ZNF91: variants seen among roughly 807,000 people sequenced by gnomAD.
ZNF91 encodes zinc finger protein 91, also known as zinc finger protein 91 (HPF7, HTF10).
In ZNF91, 7 loss-of-function variants were observed where a neutral mutation model predicts 12.6. The ratio of observed to expected loss-of-function variants is 0.55; its 90% CI spans 0.31 to 1.04. The LOEUF is 1.04. Ranked by LOEUF, ZNF91 falls within the 50% of genes least tolerant of loss-of-function variation. The pLI, the probability that ZNF91 is intolerant of heterozygous loss-of-function variation, is 0.05. For missense variants in ZNF91, 1,217 were observed against 1,385.4 expected (o/e 0.88, Z 1.93); for synonymous variants, 453 against 462.6 (o/e 0.98, Z 0.27).
rs1456078727 is a variant in ZNF91 at position 23,361,583 on chromosome 19, C to T, written c.1396G>A (p.Glu466Lys). 2 of 1,613,564 alleles carry T rather than the reference C, an allele frequency of 1.2e-6. No individual in the cohort carries two copies. The highest frequency in any genetic ancestry group is 1.3e-5 in the African/African-American group (1 of 74,838). The change falls in exon 4 of 4, where the codon GAA (glutamate) becomes AAA (lysine). Residue 466 changes from glutamate to lysine, a missense_variant. Physicochemically the swap from Glu to Lys is moderately conservative, Grantham distance 56. Coordinates refer to ENST00000300619, the MANE Select transcript of ZNF91 (RefSeq NM_003430.4). ...HTREKPFKCKECGKAFIWSST... is the reference protein window; with the variant it reads ...HTREKPFKCKKCGKAFIWSST... ...GACCATATAAATGCTTTGCCACATT[C>T]TTTACATTTGAAGGGTTTCTCTCTA...
intron 1 of ZNF91, among the ~76,000 whole-genome samples, chr19:23,330,626 A>G (rs1043691812): frequency 1.3e-5 from 2 of 152,152 alleles, no homozygotes; most frequent in African/African-American, 4.8e-5. Context: ...CACACCATAA[A>G]TATCATTAGG....
At chr19:23,393,827 C>T (rs189610976) in intron 1 of ZNF91, among the ~76,000 whole-genome samples, 2 of 152,236 alleles carry the variant, frequency 1.3e-5, no homozygotes, top group South Asian at 2.1e-4. Flanking sequence ...TAGTGAAACC[C>T]TGTCTGTACT....
Position 23,343,018 on chromosome 19 carries a change from A to G in ZNF91, c.254-3964T>C, listed in dbSNP as rs537145905. Among the ~76,000 whole-genome samples, 3 of 152,382 alleles carry G rather than the reference A, an allele frequency of 2.0e-5. No individual in the cohort carries two copies. The South Asian group carries it at 6.2e-4, about 32-fold the overall frequency. On this transcript the variant is annotated intron_variant, in intron 3 of 3. Coordinates refer to the ZNF91 transcript ENST00000599743. ...CCAATAAAATATTGTTAAATAGAGA[A>G]AGATTCTGTAATATATTTTTGCATT...
At chr19:23,323,115 TCTC>T (rs761970366) in intron 1 of ZNF91, among the ~76,000 whole-genome samples, 40 of 145,194 alleles carry the variant, frequency 2.8e-4, no homozygotes, top group Admixed American at 5.5e-4. Flanking sequence ...CTCCTTTTCC[TCTC>T]CTCCTTTTCA....
chr19:23,394,012 A>T (rs1227621120), intron 1 of ZNF91, among the ~76,000 whole-genome samples: 1 of 152,170 alleles, frequency 6.6e-6, no homozygotes, highest in African/African-American at 2.4e-5. Context: ...ATTAAAAATA[A>T]AAATGATTAA....
intron 1 of ZNF91, chr19:23,384,436 T>C: frequency 3.1e-6 from 1 of 322,530 alleles, no homozygotes; most frequent in Non-Finnish European, 5.5e-6. Flanking sequence ...AATTTGACAG[T>C]TCCTAACGAA....
At chr19:23,337,389 ACT>A (rs1338566084), downstream of ZNF91, among the ~76,000 whole-genome samples, 3 of 151,360 alleles carry the variant, frequency 2.0e-5, no homozygotes, top group Non-Finnish European at 2.9e-5. Context: ...TACTGAAGAA[ACT>A]CATACAGAGT....
At chr19:23,376,914 C>T (rs1969523384) in intron 1 of ZNF91, among the ~76,000 whole-genome samples, 1 of 152,120 alleles carries the variant, frequency 6.6e-6, no homozygotes, top group African/African-American at 2.4e-5. Context: ...ATTATGTCTG[C>T]ATTTTGAGAA....
intron 3 of ZNF91, among the ~76,000 whole-genome samples, chr19:23,341,629 G>C (rs141726425): frequency 2.0e-3 from 302 of 151,772 alleles, no homozygotes; most frequent in African/African-American, 6.9e-3. Flanking sequence ...ATATAAAAAA[G>C]TGCTCAATAT....
At chr19:23,380,524 T>C (rs73926137) in intron 1 of ZNF91, 13,909 of 151,960 alleles carry the variant, frequency 0.092, 859 homozygotes, top group African/African-American at 0.17. Context: ...GGGATACTAA[T>C]AGGGTTTCTA....
chr19:23,359,517 T>C lies in ZNF91; in HGVS notation c.3462A>G (p.Lys1154=). The C allele has an allele frequency of 6.2e-7, 1 of 1,613,914 alleles. No homozygotes were observed. ...GGATTACAGGTGTGATAGTATGAAT[T>C]TTCTTATGGTTAGTAAGGATTGAAG... ...NQSSILTNHK[K]IHTITPVIPL... Residue 1154 remains lysine, a synonymous_variant, in exon 4 of 4, where the codon AAA becomes AAG. Transcript: ENST00000300619.
intron 3 of ZNF91, among the ~76,000 whole-genome samples, chr19:23,350,187 T>C (rs1337941280): frequency 2.0e-5 from 3 of 152,162 alleles, no homozygotes; most frequent in Non-Finnish European, 2.9e-5. Flanking sequence ...TGTCTTAACA[T>C]AGACGATAAC....
At chr19:23,341,379 A>G (rs956176266) in intron 3 of ZNF91, among the ~76,000 whole-genome samples, 5 of 152,156 alleles carry the variant, frequency 3.3e-5, no homozygotes, top group Non-Finnish European at 7.3e-5. Flanking sequence ...AAATCTCATC[A>G]TTGGGTATCT....
rs1968562675 is a variant in ZNF91 at position 23,358,568 on chromosome 19, G to A, written c.*835C>T. On this transcript the variant is annotated 3_prime_UTR_variant, in exon 4 of 4. Transcript: ENST00000300619. ...ACTTCTTATTTAGTATGAACGCTCT[G>A]AATTTGAGTACGATGTGAGCAGGTA... is the stretch of plus-strand genomic sequence containing the variant. 6.6e-6 allele frequency: 1 copy of A among 152,300 alleles called. No homozygotes were observed. Among genetic ancestry groups the A allele is most frequent in the East Asian group, 1.9e-4 (1 of 5,204 alleles). The allele number at this position is 152,300 out of a possible 1,614,324, so 9.4% of individuals were successfully genotyped here. A position where few individuals can be genotyped will look rare whatever the true frequency, so the allele number is the denominator to read the frequency against.
intron 3 of ZNF91, among the ~76,000 whole-genome samples, chr19:23,350,931 G>A (rs1968349164): frequency 6.6e-6 from 1 of 152,076 alleles, no homozygotes; most frequent in Non-Finnish European, 1.5e-5. Flanking sequence ...ACAGTGTGTT[G>A]CTCCACATTG....
At chr19:23,306,713 TCTTC>T (rs1967404391) in intron 3 of ZNF91, 1 of 152,176 alleles carries the variant, frequency 6.6e-6, no homozygotes, top group Non-Finnish European at 1.5e-5. Flanking sequence ...GACTCTCTTC[TCTTC>T]GCTGTTCCCT....
Position 23,360,008 on chromosome 19 carries a change from C to G in ZNF91, c.2971G>C (p.Glu991Gln). 6 of 1,613,534 alleles carry G rather than the reference C, an allele frequency of 3.7e-6. No individual in the cohort carries two copies. The highest frequency in any genetic ancestry group is 5.1e-6 in the Non-Finnish European group (6 of 1,180,008). ...LTEHKIIHTG[E>Q]KPYKCEECGK... ...CATTCTTCACATTTGTAGGGTTTCT[C>G]TCCAGTATGAATTATCTTATGTTCA... The change falls in exon 4 of 4, where the codon GAG becomes CAG. Residue 991 changes from glutamate (E) to glutamine (Q), a missense_variant. Coordinates refer to ENST00000300619, the MANE Select transcript of ZNF91 (RefSeq NM_003430.4).
rs1968760273 is a variant in ZNF91 at position 23,361,427 on chromosome 19, A to G, written c.1552T>C (p.Tyr518His). ...GCTTTGCCACATTCTTCAAATTTGT[A>G]GGGTTTCTCTCCAGTATGAATTATC... The part of the protein sequence containing the change: ...HKIIHTGEKP[Y>H]KFEECGKAFR... Residue 518 changes from tyrosine (Y) to histidine (H), a missense_variant, in exon 4 of 4, where the codon TAC (tyrosine) becomes CAC (histidine). Transcript: ENST00000300619. 6.2e-7 allele frequency: 1 copy of G among 1,613,556 alleles called. No individual in the cohort carries two copies. The highest frequency in any genetic ancestry group is 1.7e-5 in the Admixed American group (1 of 59,984).
intron 1 of ZNF91, chr19:23,384,969 C>G (rs1416199874): frequency 1.0e-5 from 10 of 989,538 alleles, no homozygotes; most frequent in East Asian, 2.4e-5. Flanking sequence ...GCTGCGAGCC[C>G]GTCATGGAGG....
Sources: gnomAD v4.1 joint callset for allele counts (sites outside exome capture counted in the v4.1 genomes callset) on GRCh38, gnomAD v4.1.1 for gene constraint, MANE v1.5 for transcripts, NCBI Gene and HGNC (gene_info 2026-07-23, HGNC 2026-07-21) for gene names.